EPC2: variants seen among roughly 807,000 people sequenced by gnomAD.
The protein encoded by EPC2 is enhancer of polycomb 2.
Under a neutral mutation model 92.1 loss-of-function variants are expected in EPC2, and 14 were observed. The observed-to-expected ratio is 0.15, with a 90% CI of 0.10 to 0.24. EPC2 has a LOEUF of 0.24. Among genes scored for constraint, EPC2 ranks in the 10% least tolerant of loss-of-function variants. The pLI is 1.00. For missense variants in EPC2, 755 were observed against 971.5 expected, an observed-to-expected ratio of 0.78 and a Z score of 2.96; for synonymous variants, 340 against 334.7, an observed-to-expected ratio of 1.02 and a Z score of -0.17.
At position 148,783,678 on chromosome 2, in the gene EPC2, C is replaced by T; in HGVS notation, c.1939C>T (p.Pro647Ser). The T allele has an allele frequency of 1.9e-6, 3 of 1,599,408 alleles. No homozygotes were observed. Among genetic ancestry groups the T allele is most frequent in the Non-Finnish European group, 2.6e-6 (3 of 1,172,408 alleles). ...HFAASAVVSAPVPSRSEVAKE... is the reference protein window; with the variant it reads ...HFAASAVVSASVPSRSEVAKE... ...TGCTGCATCTGCAGTGGTCAGTGCA[C>T]CTGTTCCAAGTCGCAGTGAGGTAGC... The change falls in exon 12 of 14, where the codon CCT (proline) becomes TCT (serine). Residue 647 changes from proline (P) to serine (S), a missense_variant. Pro to Ser is a moderately conservative substitution (Grantham distance 74). Coordinates refer to ENST00000258484, the MANE Select transcript of EPC2 (RefSeq NM_015630.4).
intron 2 of EPC2, among the ~76,000 whole-genome samples, chr2:148,711,307 C>A (rs1682139552): frequency 6.6e-6 from 1 of 151,848 alleles, no homozygotes; most frequent in Non-Finnish European, 1.5e-5. Context: ...TAAAAAATTT[C>A]TTTTGAGATT....
chr2:148,685,079 G>T (rs1681487060), intron 1 of EPC2, among the ~76,000 whole-genome samples: 1 of 151,810 alleles, frequency 6.6e-6, no homozygotes, highest in Non-Finnish European at 1.5e-5. Context: ...TTCCTTTAGG[G>T]TTACTTTTCC....
At chr2:148,782,505 C>A (rs962133730) in intron 11 of EPC2, among the ~76,000 whole-genome samples, 2 of 151,630 alleles carry the variant, frequency 1.3e-5, no homozygotes, top group African/African-American at 4.8e-5. Flanking sequence ...CCACTGCACT[C>A]CAGCCTGGGT....
At chr2:148,784,050 A>T (rs976468214) in intron 12 of EPC2, among the ~76,000 whole-genome samples, 1 of 152,208 alleles carries the variant, frequency 6.6e-6, no homozygotes, top group African/African-American at 2.4e-5. Flanking sequence ...TGTTGAGCTA[A>T]CCATCCCCAT....
intron 1 of EPC2, among the ~76,000 whole-genome samples, chr2:148,650,441 T>C (rs1680658574): frequency 6.6e-6 from 1 of 152,162 alleles, no homozygotes; most frequent in African/African-American, 2.4e-5. Context: ...CACACGCCGA[T>C]ATGGTTGTAA....
At chr2:148,776,846 G>C (rs1031020472) in intron 10 of EPC2, among the ~76,000 whole-genome samples, 11 of 129,246 alleles carry the variant, frequency 8.5e-5, no homozygotes, top group Admixed American at 6.4e-4. Flanking sequence ...GCAAGACCCT[G>C]TCTCTCTCTC....
intron 3 of EPC2, among the ~76,000 whole-genome samples, chr2:148,749,561 C>A (rs1204971097): frequency 6.6e-6 from 1 of 151,664 alleles, no homozygotes; most frequent in Non-Finnish European, 1.5e-5. Context: ...GGGCAGACCA[C>A]AAGCAGTGGC....
At chr2:148,740,113 A>C (rs1437955270) in intron 2 of EPC2, among the ~76,000 whole-genome samples, 1 of 151,910 alleles carries the variant, frequency 6.6e-6, no homozygotes, top group African/African-American at 2.4e-5. Flanking sequence ...TCTGGGTTTC[A>C]AAAAGTGAGG....
At chr2:148,754,291 A>G (rs778676562) in intron 4 of EPC2, among the ~76,000 whole-genome samples, 158 bp downstream of exon 4, 10 of 152,208 alleles carry the variant, frequency 6.6e-5, no homozygotes, top group Non-Finnish European at 1.0e-4. Context: ...GTGGTCAGAC[A>G]CATTATCCAT....
chr2:148,772,086 A>T (rs191295993), intron 10 of EPC2, among the ~76,000 whole-genome samples: 1 of 152,334 alleles, frequency 6.6e-6, no homozygotes, highest in East Asian at 1.9e-4. Flanking sequence ...GGCATGAGCC[A>T]CTGTGCCCGG....
intron 1 of EPC2, among the ~76,000 whole-genome samples, chr2:148,681,625 G>GT (rs1681399131): frequency 2.6e-5 from 4 of 151,240 alleles, no homozygotes; most frequent in African/African-American, 9.7e-5. Context: ...TTTCTTTTCC[G>GT]TAAAAAAAAA....
At chr2:148,719,281 G>A (rs1682322015) in intron 2 of EPC2, among the ~76,000 whole-genome samples, 1 of 152,098 alleles carries the variant, frequency 6.6e-6, no homozygotes, top group Admixed American at 6.6e-5. Flanking sequence ...CTGAGCCCTT[G>A]CTTGAGAGAT....
At chr2:148,703,870 C>T (rs1681937302) in intron 2 of EPC2, among the ~76,000 whole-genome samples, 1 of 152,102 alleles carries the variant, frequency 6.6e-6, no homozygotes, top group African/African-American at 2.4e-5. Flanking sequence ...CCACCTCATA[C>T]CCTTTAGAAT....
intron 1 of EPC2, among the ~76,000 whole-genome samples, chr2:148,688,345 G>C (rs1200568512): frequency 2.6e-5 from 4 of 152,060 alleles, no homozygotes; most frequent in Non-Finnish European, 5.9e-5. Flanking sequence ...TCACTCATAG[G>C]TGGGAATTGA....
rs576075071 is a variant in EPC2, at chr2:148,721,691, T to C, written c.314-21931T>C. Among the ~76,000 whole-genome samples the C allele has an allele frequency of 7.3e-5, 11 of 150,474 alleles. No individual in the cohort carries two copies. In the East Asian group the frequency reaches 2.2e-3, roughly 30 times the overall value. On this transcript the variant is annotated intron_variant, in intron 2 of 13. Transcript: ENST00000258484. ...ATTTGCATTATGCATATTTATACAT[T>C]TAGTAGTATTCTGTTTTATTCTTTT...
chr2:148,732,227 AG>A (rs1307461975), intron 2 of EPC2, among the ~76,000 whole-genome samples: 1 of 152,150 alleles, frequency 6.6e-6, no homozygotes, highest in Non-Finnish European at 1.5e-5. Context: ...CCTGTACCTA[AG>A]GGGTTCCTTT....
At chr2:148,749,479 GTT>G (rs77332023) in intron 3 of EPC2, among the ~76,000 whole-genome samples, 3,779 of 143,300 alleles carry the variant, frequency 0.026, 56 homozygotes, top group East Asian at 0.033. Flanking sequence ...CACATCATCG[GTT>G]TTTTTTTTTT....
At chr2:148,690,176 A>G (rs1681614623) in intron 1 of EPC2, 38 bp from the exon 2 acceptor site, 5 of 1,547,492 alleles carry the variant, frequency 3.2e-6, no homozygotes, top group Non-Finnish European at 4.3e-6. Context: ...GATTAATATT[A>G]CTAAAACAAC....
chr2:148,764,554 G>A (rs976750813), intron 6 of EPC2, among the ~76,000 whole-genome samples: 1 of 152,116 alleles, frequency 6.6e-6, no homozygotes, highest in African/African-American at 2.4e-5. Context: ...TTAGATCTAA[G>A]TGTAGAAATG....
Sources: allele counts gnomAD v4.1 joint callset (sites outside exome capture counted in the v4.1 genomes callset), GRCh38; gene constraint gnomAD v4.1.1; transcripts MANE v1.5; gene names NCBI Gene and HGNC (gene_info 2026-07-23, HGNC 2026-07-21).